PCNT: variants seen among roughly 807,000 people sequenced by gnomAD.
The protein encoded by PCNT is kendrin.
PCNT carries 319 observed loss-of-function variants against 380.4 expected under a neutral mutation model. That is an observed-to-expected ratio of 0.84 (90% CI 0.77 to 0.92). The LOEUF (loss-of-function observed/expected upper bound fraction) is 0.92. Ranked by LOEUF, PCNT falls within the 40% of genes least tolerant of loss-of-function variation. The pLI is 0.00. For missense variants in PCNT, 4,400 were observed against 4,255.3 expected (o/e 1.03, Z -0.95); for synonymous variants, 1,845 against 1,735.2 (o/e 1.06, Z -1.57).
At chr21:46,437,118 C>T (rs965551410) in intron 40 of PCNT, 37 bp downstream of exon 40, 4 of 1,453,884 alleles carry the variant, frequency 2.8e-6, no homozygotes, top group African/African-American at 2.8e-5. Flanking sequence ...TGGCCTGGCT[C>T]CTCCCCCAGA....
At chr21:46,362,879 AAGAT>A (rs1455711818) in intron 13 of PCNT, among the ~76,000 whole-genome samples, 3 of 152,100 alleles carry the variant, frequency 2.0e-5, no homozygotes, top group Non-Finnish European at 4.4e-5. Flanking sequence ...AAAAAAAAAA[AAGAT>A]TAGGATATTT....
chr21:46,423,809 AGTGGGAGGGGAGGAG>A (rs2087369457), intron 32 of PCNT, among the ~76,000 whole-genome samples: 1 of 6,676 alleles, frequency 1.5e-4, no homozygotes, highest in African/African-American at 5.5e-4. Context: ...GAGAAGGGGG[AGTGGGAGGGGAGGAG>A]GGGGAGGGGG....
At chr21:46,440,317 C>CA in intron 42 of PCNT, 115 bp downstream of exon 42, 1 of 1,096,516 alleles carries the variant, frequency 9.1e-7, no homozygotes, top group Non-Finnish European at 1.4e-6. Context: ...GTGTAGCAGT[C>CA]ACATCACTAA....
intron 39 of PCNT, 110 bp from the exon 40 acceptor site, chr21:46,436,869 G>A: frequency 1.2e-6 from 1 of 818,722 alleles, no homozygotes; most frequent in Non-Finnish European, 2.1e-6. Context: ...TCACACACAG[G>A]CTCCTCAGAA....
At position 46,359,480 on chromosome 21, in the gene PCNT, GTTTTTTTTTTGTT is replaced by G. The variant is rs1198263114; in HGVS notation, c.2154+2300_2154+2312del. On this transcript the variant is annotated intron_variant, in intron 13 of 46. Coordinates refer to ENST00000359568, the MANE Select transcript of PCNT (RefSeq NM_006031.6). ...TAGTATTCTGTCCAAAAATACACCT[GTTTTTTTTTTGTT>G]TTTTTTTTTTTTTTGAGACAGTGTC... Among the ~76,000 whole-genome samples, 5 of 65,732 alleles carry G rather than the reference GTTTTTTTTTTGTT, an allele frequency of 7.6e-5. 1 individual carries two copies. Among genetic ancestry groups the G allele is most frequent in the African/African-American group, 1.3e-4 (3 of 22,276 alleles). The allele number at this position is 65,732 out of a possible 152,430, so 43.1% of individuals were successfully genotyped here.
chr21:46,334,506 C>T lies in PCNT; in HGVS notation c.377C>T (p.Pro126Leu), dbSNP rs1367995598. ...GGGATGTTCACAGTCAGTGACCACC[C>T]ACCAGAACAGCATGGGATGTTCACA... is the stretch of plus-strand genomic sequence containing the variant. Reference protein sequence around the residue: ...QCGMFTVSDHPPEQHGMFTVG... With the variant: ...QCGMFTVSDHLPEQHGMFTVG... The change falls in exon 3 of 47, where the codon CCA becomes CTA. Residue 126 changes from proline to leucine, a missense_variant. Coordinates refer to ENST00000359568, the MANE Select transcript of PCNT (RefSeq NM_006031.6). The T allele has an allele frequency of 1.9e-6, 3 of 1,610,028 alleles. No homozygotes were observed. The highest frequency in any genetic ancestry group is 2.5e-6 in the Non-Finnish European group (3 of 1,177,344).
At chr21:46,353,749 T>TGAGA (rs1250926150) in intron 10 of PCNT, among the ~76,000 whole-genome samples, 2 of 100,230 alleles carry the variant, frequency 2.0e-5, no homozygotes, top group African/African-American at 6.8e-5. Flanking sequence ...TGTGTGTGTG[T>TGAGA]GTGAGAGAGA....
chr21:46,416,361 A>T lies in PCNT; in HGVS notation c.6443A>T (p.Asp2148Val). The change falls in exon 30 of 47, where the codon GAC becomes GTC. Residue 2148 changes from aspartate (D) to valine (V), a missense_variant. By Grantham distance (152) the Asp-to-Val change is radical. Coordinates refer to ENST00000359568, the MANE Select transcript of PCNT (RefSeq NM_006031.6). ...VTDVIKNQAIDACDANTTPGG... is the reference protein window; with the variant it reads ...VTDVIKNQAIVACDANTTPGG... The stretch of plus-strand genomic sequence containing the variant: ...GATGTTATCAAAAATCAGGCCATAG[A>T]CGCGTGTGATGCCAATACAACCCCA... The T allele has an allele frequency of 2.5e-6, 4 of 1,614,080 alleles. No individual in the cohort carries two copies. The highest frequency in any genetic ancestry group is 3.4e-6 in the Non-Finnish European group (4 of 1,179,978).
intron 3 of PCNT, among the ~76,000 whole-genome samples, chr21:46,339,718 A>T (rs2083860282): frequency 6.6e-6 from 1 of 152,102 alleles, no homozygotes; most frequent in South Asian, 2.1e-4. Flanking sequence ...CAGTCCATTG[A>T]CTCAAATTTT....
At position 46,430,570 on chromosome 21, in the gene PCNT, G is replaced by T. The variant is rs2070426; in HGVS notation, c.7977G>T (p.Gln2659His). ...KAALQELESE[Q>H]GKGRALQSQL... The stretch of plus-strand genomic sequence containing the variant: ...CGCTTCAGGAGCTGGAGAGTGAGCA[G>T]GGGAAGGGGCGTGCCCTGCAGAGCC... The change falls in exon 37 of 47, where the codon CAG becomes CAT. Residue 2659 changes from glutamine to histidine, a missense_variant. Physicochemically the swap from Gln to His is conservative, Grantham distance 24. Transcript: ENST00000359568. 5.1e-6 allele frequency: 8 copies of T among 1,559,798 alleles called. No individual in the cohort carries two copies. The highest frequency in any genetic ancestry group is 6.9e-6 in the Non-Finnish European group (8 of 1,152,498).
chr21:46,383,977 T>G lies in PCNT; in HGVS notation c.3313-1855T>G, dbSNP rs570480374. ...TTGTATATTCAGTGGCGGAAGCGCATTCACCATGTTGTATATTCAGTGGCG... is the reference window on the plus strand; with the variant it reads ...TTGTATATTCAGTGGCGGAAGCGCAGTCACCATGTTGTATATTCAGTGGCG... On this transcript the variant is annotated intron_variant, in intron 16 of 46. Transcript: ENST00000359568. Among the ~76,000 whole-genome samples the G allele has an allele frequency of 1.3e-3, 188 of 145,680 alleles. 13 individuals carry two copies. Among genetic ancestry groups the G allele is most frequent in the Non-Finnish European group, 2.4e-3 (156 of 66,158 alleles).
chr21:46,355,656 G>A (rs760258538), intron 12 of PCNT, 30 bp downstream of exon 12: 21 of 1,610,584 alleles, frequency 1.3e-5, no homozygotes, highest in Middle Eastern at 1.9e-4. Flanking sequence ...CCATGGTGTC[G>A]GCAGGTCCCG....
intron 38 of PCNT, 32 bp from the exon 39 acceptor site, chr21:46,435,872 C>T (rs371090058): frequency 6.4e-5 from 103 of 1,613,528 alleles, no homozygotes; most frequent in East Asian, 1.1e-4. Flanking sequence ...CTGACGTGAA[C>T]GTCTTCTCTG....
chr21:46,411,944 T>C lies in PCNT; in HGVS notation c.5871T>C (p.Ala1957=). 6.3e-7 allele frequency: 1 copy of C among 1,596,716 alleles called. No individual in the cohort carries two copies. Among genetic ancestry groups the C allele is most frequent in the Non-Finnish European group, 8.5e-7 (1 of 1,178,720 alleles). Residue 1957 remains alanine, a synonymous_variant, in exon 28 of 47, where the codon GCT becomes GCC. Coordinates refer to ENST00000359568, the MANE Select transcript of PCNT (RefSeq NM_006031.6). ...GGCGGCAGGCCCGCAGAGCCACAGC[T>C]CACACACGGGTGCCCGGGGCCCACC... is the stretch of plus-strand genomic sequence containing the variant. The part of the protein sequence containing the change: ...LDRRQARRAT[A]HTRVPGAHPQ...
intron 19 of PCNT, 54 bp from the exon 20 acceptor site, chr21:46,390,616 T>C: frequency 6.3e-7 from 1 of 1,590,552 alleles, no homozygotes; most frequent in Non-Finnish European, 8.6e-7. Context: ...GGTCTTAATG[T>C]AGGCTTCAGT....
intron 13 of PCNT, among the ~76,000 whole-genome samples, chr21:46,358,067 G>A (rs1439362435): frequency 6.6e-6 from 1 of 151,970 alleles, no homozygotes; most frequent in African/African-American, 2.4e-5. Context: ...CAAGTGAGCC[G>A]ACAGGGCAGC....
At chr21:46,430,433 C>T (rs1359014290) in intron 36 of PCNT, 74 bp from the exon 37 acceptor site, 1 of 1,530,702 alleles carries the variant, frequency 6.5e-7, no homozygotes, top group Non-Finnish European at 8.8e-7. Context: ...TCTGCCTCCC[C>T]TCCTGGAGCT....
chr21:46,334,065 C>T (rs945817733), intron 2 of PCNT, among the ~76,000 whole-genome samples: 23 of 151,866 alleles, frequency 1.5e-4, no homozygotes, highest in Non-Finnish European at 2.2e-4. Flanking sequence ...ATTAGCTGGG[C>T]GTGGTGGCGG....
intron 17 of PCNT, among the ~76,000 whole-genome samples, chr21:46,387,098 G>A (rs1429426701): frequency 1.3e-5 from 2 of 152,194 alleles, no homozygotes. Context: ...CTCTGAACTG[G>A]TTTGGCTCTG....
Sources: gnomAD v4.1 joint callset for allele counts (sites outside exome capture counted in the v4.1 genomes callset) on GRCh38, gnomAD v4.1.1 for gene constraint, MANE v1.5 for transcripts, NCBI Gene and HGNC (gene_info 2026-07-23, HGNC 2026-07-21) for gene names.